The following RBFOX1 variants were observed in gnomAD, a reference collection of about 807,000 sequenced individuals.
RBFOX1 encodes the protein RNA binding fox-1 homolog 1.
RBFOX1 carries 8 observed loss-of-function variants against 57.7 expected under a neutral mutation model. The observed-to-expected ratio is 0.14, with a 90% confidence interval of 0.08 to 0.25. The LOEUF (loss-of-function observed/expected upper bound fraction) is 0.25. Ranked by LOEUF, RBFOX1 falls within the 10% of genes least tolerant of loss-of-function variation. The pLI is 1.00. For synonymous variants in RBFOX1, 326 were observed against 222.4 expected (o/e 1.47, Z -4.15); for missense variants, 611 against 548.5 (o/e 1.11, Z -1.14).
At chr16:7,202,004 G>A (rs781717463) in intron 4 of RBFOX1, among the ~76,000 whole-genome samples, 4 of 152,170 alleles carry the variant, frequency 2.6e-5, no homozygotes, top group Admixed American at 6.5e-5. Flanking sequence ...AGGAGGATAT[G>A]CATAAATGTA....
intron 4 of RBFOX1, among the ~76,000 whole-genome samples, chr16:7,217,886 G>A (rs1053063876): frequency 4.1e-5 from 6 of 147,994 alleles, no homozygotes; most frequent in African/African-American, 1.5e-4. Flanking sequence ...GTGCATGTGT[G>A]TGCATGCGTA....
At chr16:7,280,549 C>G (rs2095520826) in intron 4 of RBFOX1, among the ~76,000 whole-genome samples, 4 of 152,134 alleles carry the variant, frequency 2.6e-5, no homozygotes, top group Non-Finnish European at 5.9e-5. Flanking sequence ...GTGATAAAGA[C>G]CACTAGGGCT....
rs117031174 is a variant in RBFOX1, at chr16:6,208,633, T to C, written c.-126-108362T>C. On this transcript the variant is annotated intron_variant, in intron 1 of 15. Coordinates refer to ENST00000550418, the MANE Select transcript of RBFOX1 (RefSeq NM_018723.4). ...GGTGTTGTGAAGAAATACGTAGCGC[T>C]GCACAGTGGCCATGTTTTAATCGTT... 4.2e-3 allele frequency among the ~76,000 whole-genome samples: 644 copies of C among 152,336 alleles called. 8 individuals carry two copies. The highest frequency in any genetic ancestry group is 0.034 in the South Asian group (166 of 4,824).
chr16:5,264,844 T>A (rs1183341080), intron 1 of RBFOX1, among the ~76,000 whole-genome samples: 1 of 152,138 alleles, frequency 6.6e-6, no homozygotes, highest in Non-Finnish European at 1.5e-5. Flanking sequence ...TTAGCCTTAG[T>A]CTTAGGGCAA....
intron 3 of RBFOX1, among the ~76,000 whole-genome samples, chr16:6,703,361 C>T (rs1285847023): frequency 6.6e-6 from 1 of 151,980 alleles, no homozygotes; most frequent in Admixed American, 6.6e-5. Context: ...TTTGCTTGAG[C>T]CCAGGGGTTT....
intron 4 of RBFOX1, among the ~76,000 whole-genome samples, chr16:5,989,690 C>T (rs2060353086): frequency 6.6e-6 from 1 of 151,922 alleles, no homozygotes. Context: ...TTAAATTTCT[C>T]TGGGGGTGGG....
intron 2 of RBFOX1, among the ~76,000 whole-genome samples, chr16:6,545,145 C>A (rs908348089): frequency 6.6e-6 from 1 of 152,174 alleles, no homozygotes; most frequent in Non-Finnish European, 1.5e-5. Context: ...TCCCTAGCGC[C>A]ATTTTTGCCA....
chr16:6,706,385 G>T (rs1307417676), intron 3 of RBFOX1, among the ~76,000 whole-genome samples: 3 of 152,170 alleles, frequency 2.0e-5, no homozygotes, highest in Non-Finnish European at 4.4e-5. Flanking sequence ...CAATTAATAG[G>T]TGTCTCTTGG....
chr16:7,515,020 A>G (rs4786178), intron 4 of RBFOX1, among the ~76,000 whole-genome samples: 126,646 of 152,104 alleles, frequency 0.83, 53,622 homozygotes, highest in Non-Finnish European at 0.92. Context: ...ACACAAGTCT[A>G]CCTTTCACTT....
At chr16:7,500,657 T>G (rs2070453265) in intron 4 of RBFOX1, among the ~76,000 whole-genome samples, 2 of 152,238 alleles carry the variant, frequency 1.3e-5, no homozygotes, top group Admixed American at 6.5e-5. Flanking sequence ...TACCTGGCTC[T>G]CAGCTTCTTC....
At chr16:5,774,187 T>C (rs1424192950) in intron 3 of RBFOX1, among the ~76,000 whole-genome samples, 1 of 152,104 alleles carries the variant, frequency 6.6e-6, no homozygotes, top group Non-Finnish European at 1.5e-5. Flanking sequence ...ATGTGGAAAC[T>C]GAAGCCCAGA....
intron 5 of RBFOX1, among the ~76,000 whole-genome samples, chr16:7,562,934 C>G (rs894697844): frequency 6.6e-6 from 1 of 152,170 alleles, no homozygotes; most frequent in African/African-American, 2.4e-5. Flanking sequence ...GTTTTAACAA[C>G]CAAGTGCCCC....
Position 7,691,040 on chromosome 16 carries a change from A to G in RBFOX1, c.995+14202A>G, listed in dbSNP as rs542900887. ...CAGATTGAATTCATGGAATTAATTA[A>G]TGAACTCTATAGAAAGGCACTTTCT... is the stretch of plus-strand genomic sequence containing the variant. On this transcript the variant is annotated intron_variant, in intron 14 of 15. Coordinates refer to ENST00000550418, the MANE Select transcript of RBFOX1 (RefSeq NM_018723.4). Among the ~76,000 whole-genome samples, 5 of 152,292 alleles carry G rather than the reference A, an allele frequency of 3.3e-5. No individual in the cohort carries two copies. In the South Asian group the frequency reaches 1.0e-3, roughly 32 times the overall value.
intron 4 of RBFOX1, among the ~76,000 whole-genome samples, chr16:5,999,253 T>C (rs1483729990): frequency 3.3e-5 from 5 of 152,208 alleles, no homozygotes; most frequent in Admixed American, 1.3e-4. Flanking sequence ...CACAGGGCCT[T>C]TGAACATACT....
At chr16:6,176,834 C>T (rs2097014816) in intron 1 of RBFOX1, among the ~76,000 whole-genome samples, 3 of 152,054 alleles carry the variant, frequency 2.0e-5, no homozygotes, top group Admixed American at 2.0e-4. Flanking sequence ...TGGGGGAGTG[C>T]TTGCTTCTAG....
chr16:7,529,414 C>A (rs140386699), intron 5 of RBFOX1, among the ~76,000 whole-genome samples: 2 of 152,168 alleles, frequency 1.3e-5, no homozygotes, highest in Admixed American at 6.5e-5. Flanking sequence ...AAATTACAAG[C>A]GTGATGGTAT....
At chr16:5,563,317 A>G (rs574466052) in intron 2 of RBFOX1, among the ~76,000 whole-genome samples, 32 of 152,160 alleles carry the variant, frequency 2.1e-4, no homozygotes, top group Non-Finnish European at 3.8e-4. Context: ...CACTGATTCA[A>G]AACACCTCCT....
chr16:5,428,234 A>C (rs904380568), intron 1 of RBFOX1, among the ~76,000 whole-genome samples: 6 of 152,124 alleles, frequency 3.9e-5, no homozygotes, highest in African/African-American at 9.7e-5. Context: ...ACCCCAGGCA[A>C]ACCTTGAGAA....
intron 1 of RBFOX1, among the ~76,000 whole-genome samples, chr16:5,312,548 C>G (rs1317575645): frequency 2.6e-5 from 4 of 152,128 alleles, no homozygotes; most frequent in Admixed American, 2.0e-4. Flanking sequence ...AACTCCTGAC[C>G]TCATGATCCA....
Sources: gnomAD v4.1 joint callset for allele counts (sites outside exome capture counted in the v4.1 genomes callset) on GRCh38, gnomAD v4.1.1 for gene constraint, MANE v1.5 for transcripts, NCBI Gene and HGNC (gene_info 2026-07-23, HGNC 2026-07-21) for gene names.